SLC6A3: variants seen among roughly 807,000 people sequenced by gnomAD.
The protein encoded by SLC6A3 is solute carrier family 6 member 3, also known as sodium-dependent dopamine transporter.
Under a neutral mutation model 70.4 loss-of-function variants are expected in SLC6A3, and 19 were observed. The ratio of observed to expected loss-of-function variants is 0.27; its 90% CI spans 0.19 to 0.40. SLC6A3 has a LOEUF of 0.40. SLC6A3 is among the 10% of genes least tolerant of loss of function. The probability of loss-of-function intolerance (pLI) is 1.00; values close to 1 mark genes in which losing one functional copy is unlikely to be tolerated. For synonymous variants in SLC6A3, 368 were observed against 356.6 expected (o/e 1.03, Z -0.36); for missense variants, 613 against 838.5 (o/e 0.73, Z 3.32).
intron 1 of SLC6A3, among the ~76,000 whole-genome samples, chr5:1,444,687 G>C (rs1414802436): frequency 6.6e-6 from 1 of 152,224 alleles, no homozygotes; most frequent in Non-Finnish European, 1.5e-5. Context: ...GTCGGGTGCG[G>C]AGCTCGCGAG....
In SLC6A3 at chr5:1,393,481, T is replaced by C. The variant is rs1755629168; in HGVS notation, c.*1254A>G. 1 of 153,696 alleles carries C rather than the reference T, an allele frequency of 6.5e-6. No homozygotes were observed. Among genetic ancestry groups the C allele is most frequent in the Non-Finnish European group, 1.5e-5 (1 of 68,232 alleles). 9.5% of individuals were successfully genotyped at this position (153,696 alleles called of 1,614,324 possible). ...TTCGCAAACATAAAAACTGTTGTTATTGATGTGGCACGCACCTGAGAGAAA... is the reference window on the plus strand; with the variant it reads ...TTCGCAAACATAAAAACTGTTGTTACTGATGTGGCACGCACCTGAGAGAAA... On this transcript the variant is annotated 3_prime_UTR_variant, in exon 15 of 15. Coordinates refer to ENST00000270349, the MANE Select transcript of SLC6A3 (RefSeq NM_001044.5).
At position 1,401,707 on chromosome 5, in the gene SLC6A3, G is replaced by A. The variant is rs372621901; in HGVS notation, c.1768-721C>T. 2.0e-5 allele frequency among the ~76,000 whole-genome samples: 3 copies of A among 146,516 alleles called. No homozygotes were observed. Among genetic ancestry groups the A allele is most frequent in the African/African-American group, 8.3e-5 (3 of 36,146 alleles). On this transcript the variant is annotated intron_variant, in intron 13 of 14. Transcript: ENST00000270349. This position sits in a 1 kb window ranked among gnomAD's most constrained non-coding sequence, Gnocchi z 6.1. ...GAGTTTGGCCATGCGAGGGGTAAGG[G>A]CGCTGGCTGTTCAGGTCCGCCGGGC...
chr5:1,434,206 A>G (rs1756777148), intron 3 of SLC6A3, among the ~76,000 whole-genome samples: 1 of 152,192 alleles, frequency 6.6e-6, no homozygotes, highest in Non-Finnish European at 1.5e-5. Context: ...AGGGCCACGT[A>G]AGACCACCAG....
chr5:1,400,863 G>C, intron 14 of SLC6A3, 52 bp downstream of exon 14: 1 of 1,371,416 alleles, frequency 7.3e-7, no homozygotes, highest in South Asian at 1.2e-5. Flanking sequence ...CACTGAGCTT[G>C]GGATCATTCT....
In SLC6A3 at chr5:1,442,938, G is replaced by C; in HGVS notation, c.260C>G (p.Pro87Arg). 6.2e-7 allele frequency: 1 copy of C among 1,614,226 alleles called. No homozygotes were observed. The highest frequency in any genetic ancestry group is 8.5e-7 in the Non-Finnish European group (1 of 1,180,038). Residue 87 changes from proline to arginine, a missense_variant, in exon 2 of 15, where the codon CCC becomes CGC. By Grantham distance (103) the Pro-to-Arg change is moderately radical (BLOSUM62 -2). This residue lies in a region of SLC6A3 where 153 missense variants were observed against 249.4 expected (regional missense o/e 0.61). Coordinates refer to ENST00000270349, the MANE Select transcript of SLC6A3 (RefSeq NM_001044.5). The surrounding 1 kb of genome is among the most constrained non-coding windows in gnomAD (Gnocchi z 5.0). Reference sequence around the variant, plus strand: ...GCCACCATTTTTGTAGCACAGGTAGGGGAACCGCCAGACGTTGGCCAGGTC... The same window carrying C: ...GCCACCATTTTTGTAGCACAGGTAGCGGAACCGCCAGACGTTGGCCAGGTC... ...AVDLANVWRF[P>R]YLCYKNGGGA...
chr5:1,414,507 G>A (rs181776), intron 8 of SLC6A3, among the ~76,000 whole-genome samples, 184 bp downstream of exon 8: 2,754 of 26,942 alleles, frequency 0.1, 256 homozygotes, highest in African/African-American at 0.19. Context: ...CGGGGAAGGC[G>A]CTGGGTGGGG....
At chr5:1,430,796 G>GCTCACCTCCCGCCTGGCTGTTCCT (rs201638412) in intron 4 of SLC6A3, among the ~76,000 whole-genome samples, 1 of 1,856 alleles carries the variant, frequency 5.4e-4, no homozygotes, top group Non-Finnish European at 1.6e-3. Flanking sequence ...GGGCTTCTCT[G>GCTCACCTCCCGCCTGGCTGTTCCT]CTCACCGTGA....
rs764518683 is a variant in SLC6A3 at position 1,409,045 on chromosome 5, G to A, written c.1479C>T (p.Ile493=). ...ACTCACCATAGAACCAGGCCACTCC[G>A]ATGGCTTCGATGAGCACTCCAAAGA... ...SILFGVLIEA[I]GVAWFYGVGQ... is the part of the protein sequence containing the mutation. The change falls in exon 11 of 15, where the codon ATC becomes ATT. Residue 493 remains isoleucine (I), a synonymous_variant. Transcript: ENST00000270349. The A allele has an allele frequency of 2.0e-5, 33 of 1,612,424 alleles. No homozygotes were observed. Among genetic ancestry groups the A allele is most frequent in the African/African-American group, 5.3e-5 (4 of 74,898 alleles).
chr5:1,409,762 C>T lies in SLC6A3; in HGVS notation c.1357G>A (p.Val453Ile), dbSNP rs974803762. 8.1e-6 allele frequency: 13 copies of T among 1,613,420 alleles called. No individual in the cohort carries two copies. The East Asian group carries it at 2.0e-4, about 25-fold the overall frequency. The change falls in exon 10 of 15, where the codon GTC becomes ATC. Residue 453 changes from valine (V) to isoleucine (I), a missense_variant. Coordinates refer to ENST00000270349, the MANE Select transcript of SLC6A3 (RefSeq NM_001044.5). ...RHRELFTLFI[V>I]LATFLLSLFC... ...AGGGACAGGAGGAAGGTCGCCAGGA[C>T]GATGAAGAGCGTGAAGAGCTCACGG...
At position 1,414,490 on chromosome 5, in the gene SLC6A3, G is replaced by GGCAGGGCAGGGAAGGCGC. The variant is rs1560913028; in HGVS notation, c.1156+200_1156+201insGCGCCTTCCCTGCCCTGC. Among the ~76,000 whole-genome samples the GGCAGGGCAGGGAAGGCGC allele has an allele frequency of 2.2e-5, 3 of 139,210 alleles. 1 individual carries two copies. Among genetic ancestry groups the GGCAGGGCAGGGAAGGCGC allele is most frequent in the East Asian group, 2.1e-4 (1 of 4,874 alleles). The allele number at this position is 139,210 out of a possible 152,430, so 91.3% of individuals were successfully genotyped here. On this transcript the variant is annotated intron_variant, in intron 8 of 14. Transcript: ENST00000270349. Reference sequence around the variant, plus strand: ...AGGCGCTGGGTGGGGGGCCTGGAGGGTCAGGGCGGGGAAGGCGCTGGGTGG... The same window carrying GGCAGGGCAGGGAAGGCGC: ...AGGCGCTGGGTGGGGGGCCTGGAGGGGCAGGGCAGGGAAGGCGCTCAGGGCGGGGAAGGCGCTGGGTGG...
chr5:1,400,064 G>A (rs1755808904), intron 14 of SLC6A3, among the ~76,000 whole-genome samples: 1 of 152,228 alleles, frequency 6.6e-6, no homozygotes, highest in Non-Finnish European at 1.5e-5. Context: ...GGGCCGCGGT[G>A]CCCTCCACAC....
In SLC6A3 at chr5:1,411,795, C is replaced by G. The variant is rs1022657958; in HGVS notation, c.1157-440G>C. On this transcript the variant is annotated intron_variant, in intron 8 of 14. Coordinates refer to ENST00000270349, the MANE Select transcript of SLC6A3 (RefSeq NM_001044.5). This position sits in a 1 kb window ranked among gnomAD's most constrained non-coding sequence, Gnocchi z 6.5. ...ACACATACCATGCAACATACACACT[C>G]AGACACACATACCATGCAACATACA... Among the ~76,000 whole-genome samples the G allele has an allele frequency of 6.6e-6, 1 of 151,466 alleles. No individual in the cohort carries two copies. Among genetic ancestry groups the G allele is most frequent in the Admixed American group, 6.6e-5 (1 of 15,246 alleles).
intron 4 of SLC6A3, among the ~76,000 whole-genome samples, chr5:1,423,854 T>C (rs1460388235): frequency 6.6e-6 from 1 of 152,196 alleles, no homozygotes; most frequent in Admixed American, 6.5e-5. Flanking sequence ...GAAGCCGCGT[T>C]ATGAAAGGAG....
At chr5:1,426,745 CA>C (rs545369518) in intron 4 of SLC6A3, among the ~76,000 whole-genome samples, 68 of 152,202 alleles carry the variant, frequency 4.5e-4, no homozygotes, top group African/African-American at 1.6e-3. Context: ...GACAAATTCA[CA>C]GAGACAGAAA....
intron 3 of SLC6A3, among the ~76,000 whole-genome samples, chr5:1,440,464 G>A (rs1218334231): frequency 6.6e-6 from 1 of 152,160 alleles, no homozygotes; most frequent in Admixed American, 6.5e-5. Context: ...ATGGATGAAT[G>A]GGTAGATGAC....
In SLC6A3 at chr5:1,422,795, C is replaced by T. The variant is rs562956058; in HGVS notation, c.654-781G>A. Among the ~76,000 whole-genome samples the T allele has an allele frequency of 2.2e-4, 16 of 71,578 alleles. 1 individual carries two copies. Among genetic ancestry groups the T allele is most frequent in the Non-Finnish European group, 3.5e-4 (14 of 39,734 alleles). 47.0% of individuals were successfully genotyped at this position (71,578 alleles called of 152,430 possible). ...CCACCGCTGCCCACAGTGCTGCCCA[C>T]GGTGCTGGGTACCCACCGCTGCCCA... On this transcript the variant is annotated intron_variant, in intron 4 of 14. Coordinates refer to ENST00000270349, the MANE Select transcript of SLC6A3 (RefSeq NM_001044.5).
intron 14 of SLC6A3, among the ~76,000 whole-genome samples, chr5:1,400,678 C>T (rs1315192716): frequency 5.3e-5 from 8 of 152,296 alleles, no homozygotes; most frequent in Non-Finnish European, 8.8e-5. Context: ...CCATGCTTTC[C>T]TCAGGCGTCT....
chr5:1,440,571 C>A (rs1464618656), intron 3 of SLC6A3, among the ~76,000 whole-genome samples: 1 of 152,180 alleles, frequency 6.6e-6, no homozygotes, highest in Non-Finnish European at 1.5e-5. Flanking sequence ...ACCCCGCAAA[C>A]CTCAGAATGT....
At position 1,394,746 on chromosome 5, in the gene SLC6A3, G is replaced by A. The variant is rs1377969356; in HGVS notation, c.1852C>T (p.Leu618Phe). ...EVRQFTLRHW[L>F]KV The stretch of plus-strand genomic sequence containing the variant: ...CGTCTCTGCTCCCTCTACACCTTGA[G>A]CCAGTGGCGGAGCTGGAAAGAAAAC... The change falls in exon 15 of 15, where the codon CTC (leucine) becomes TTC (phenylalanine). Residue 618 changes from leucine to phenylalanine, a missense_variant. By Grantham distance (22) the Leu-to-Phe change is conservative (BLOSUM62 0). Coordinates refer to ENST00000270349, the MANE Select transcript of SLC6A3 (RefSeq NM_001044.5). The surrounding 1 kb of genome is among the most constrained non-coding windows in gnomAD (Gnocchi z 4.7). 1 of 1,614,166 alleles carries A rather than the reference G, an allele frequency of 6.2e-7. No individual in the cohort carries two copies. Among genetic ancestry groups the A allele is most frequent in the Non-Finnish European group, 8.5e-7 (1 of 1,180,012 alleles).
Sources: gnomAD v4.1 joint callset for allele counts (sites outside exome capture counted in the v4.1 genomes callset) on GRCh38, gnomAD v4.1.1 for gene constraint, gnomAD v4.1.1 regional missense constraint, Gnocchi (gnomAD v3.1) non-coding constraint, MANE v1.5 for transcripts, NCBI Gene and HGNC (gene_info 2026-07-23, HGNC 2026-07-21) for gene names.